The following PAX3 variants were observed in gnomAD, a reference collection of about 807,000 sequenced individuals.
The protein encoded by PAX3 is paired box protein Pax-3.
Under a neutral mutation model 51.6 loss-of-function variants are expected in PAX3, and 14 were observed. That is an observed-to-expected ratio of 0.27 (90% CI 0.18 to 0.42). PAX3 has a LOEUF of 0.42. PAX3 is among the 10% of genes least tolerant of loss of function. The pLI is 1.00. For missense variants in PAX3, 540 were observed against 642.8 expected (o/e 0.84, Z 1.73); for synonymous variants, 280 against 253.4 (o/e 1.11, Z -1.00).
chr2:222,212,944 T>C (rs2106055585), intron 7 of PAX3, among the ~76,000 whole-genome samples: 1 of 152,312 alleles, frequency 6.6e-6, no homozygotes, highest in Admixed American at 6.5e-5. Context: ...AATGCTCATT[T>C]TTTTTCGACT....
intron 7 of PAX3, among the ~76,000 whole-genome samples, chr2:222,214,219 G>A (rs141174285): frequency 1.3e-5 from 2 of 152,232 alleles, no homozygotes; most frequent in African/African-American, 4.8e-5. Context: ...ACACTTAAAT[G>A]CTTCTTCCTA....
At chr2:222,270,457 G>A (rs537624647) in intron 4 of PAX3, among the ~76,000 whole-genome samples, 45 of 152,246 alleles carry the variant, frequency 3.0e-4, no homozygotes, top group African/African-American at 9.9e-4. Context: ...TTTTGCATTC[G>A]TGCAATAAAA....
intron 4 of PAX3, among the ~76,000 whole-genome samples, chr2:222,266,603 C>G (rs1411372892): frequency 6.6e-6 from 1 of 152,210 alleles, no homozygotes; most frequent in Non-Finnish European, 1.5e-5. Flanking sequence ...AGCTCTGCCC[C>G]TTAACAGCTG....
chr2:222,281,057 A>T (rs1694628881), intron 4 of PAX3, among the ~76,000 whole-genome samples: 1 of 152,224 alleles, frequency 6.6e-6, no homozygotes, highest in Non-Finnish European at 1.5e-5. Flanking sequence ...TCATGTACAC[A>T]CGTGCCCCAG....
At chr2:222,261,881 G>A (rs1285436134) in intron 4 of PAX3, among the ~76,000 whole-genome samples, 1 of 152,204 alleles carries the variant, frequency 6.6e-6, no homozygotes, top group Non-Finnish European at 1.5e-5. Flanking sequence ...ATAATTTTGA[G>A]TGTTGCTTGA....
chr2:222,257,798 G>A (rs1209775407), intron 4 of PAX3, among the ~76,000 whole-genome samples: 2 of 152,256 alleles, frequency 1.3e-5, no homozygotes, highest in Non-Finnish European at 2.9e-5. Context: ...TGGCTGGGCA[G>A]GAAATGGGGC....
chr2:222,226,645 T>G (rs907001883), intron 5 of PAX3, among the ~76,000 whole-genome samples: 4 of 151,516 alleles, frequency 2.6e-5, no homozygotes, highest in African/African-American at 9.7e-5. Flanking sequence ...TTTTAGGAAT[T>G]CCAAATTACT....
At chr2:222,230,567 TA>T (rs962855997) in intron 5 of PAX3, among the ~76,000 whole-genome samples, 8 of 151,842 alleles carry the variant, frequency 5.3e-5, no homozygotes, top group African/African-American at 1.9e-4. Context: ...TATAATTTTT[TA>T]AAAAAAGGTT....
In PAX3 at chr2:222,298,512, C is replaced by A. The variant is rs747292645; in HGVS notation, c.85+19G>T. The A allele has an allele frequency of 1.9e-6, 3 of 1,583,254 alleles. No homozygotes were observed. The highest frequency in any genetic ancestry group is 1.1e-5 in the South Asian group (1 of 87,208). On this transcript the variant is annotated intron_variant, in intron 1 of 8. Coordinates refer to ENST00000392070, the MANE Select transcript of PAX3 (RefSeq NM_181458.4). ...CCCAGGCCCTGGGATCCAGGCGGCG[C>A]GCTGAGGCCCTCCCTTACCTTCCAG...
intron 4 of PAX3, among the ~76,000 whole-genome samples, chr2:222,268,458 T>A (rs1358656653): frequency 6.6e-6 from 1 of 151,698 alleles, no homozygotes; most frequent in Non-Finnish European, 1.5e-5. Context: ...CAGCCCTACC[T>A]ACTATCCGCC....
chr2:222,298,259 C>A (rs1695411529), intron 1 of PAX3: 3 of 506,640 alleles, frequency 5.9e-6, no homozygotes, highest in South Asian at 2.8e-5. Flanking sequence ...CCTTCTCCAC[C>A]GCGGCATTTC....
chr2:222,215,667 T>C (rs1373467423), intron 7 of PAX3, among the ~76,000 whole-genome samples: 3 of 152,122 alleles, frequency 2.0e-5, no homozygotes, highest in Non-Finnish European at 4.4e-5. Flanking sequence ...GAGCATATGG[T>C]AGTACTTCCT....
intron 4 of PAX3, among the ~76,000 whole-genome samples, chr2:222,270,070 A>G (rs572002619): frequency 6.6e-6 from 1 of 152,360 alleles, no homozygotes; most frequent in South Asian, 2.1e-4. Context: ...ACTGTAGCTG[A>G]GGCTATAGAA....
chr2:222,287,774 G>T, intron 4 of PAX3, among the ~76,000 whole-genome samples: 1 of 152,024 alleles, frequency 6.6e-6, no homozygotes, highest in East Asian at 1.9e-4. Flanking sequence ...ATTAATAGGA[G>T]GATTATAATA....
chr2:222,298,228 C>A (rs932580347), intron 1 of PAX3: 2 of 439,778 alleles, frequency 4.5e-6, no homozygotes, highest in Admixed American at 3.8e-5. Context: ...TTGCTTCTGC[C>A]GCTCAGAAGC....
intron 7 of PAX3, among the ~76,000 whole-genome samples, chr2:222,215,271 G>A (rs1691907382): frequency 6.6e-6 from 1 of 152,140 alleles, no homozygotes; most frequent in African/African-American, 2.4e-5. Flanking sequence ...GAGGAAAAGT[G>A]CTTGGCAAAA....
Position 222,201,205 on chromosome 2 carries a change from CT to C in PAX3, c.*202del. On this transcript the variant is annotated 3_prime_UTR_variant, in exon 9 of 9. Coordinates refer to ENST00000392070, the MANE Select transcript of PAX3 (RefSeq NM_181458.4). ...CTCCAGGTCTTCCTCTTCTCCACTG[CT>C]TTTGTCGAACGTGTTCAAAAGGATT... 6.2e-7 allele frequency: 1 copy of C among 1,614,040 alleles called. No homozygotes were observed. Among genetic ancestry groups the C allele is most frequent in the Non-Finnish European group, 8.5e-7 (1 of 1,180,008 alleles).
At chr2:222,298,137 T>C (rs1232953722) in intron 1 of PAX3, 1 of 235,468 alleles carries the variant, frequency 4.2e-6, no homozygotes, top group Non-Finnish European at 8.4e-6. Context: ...TGAACTAACA[T>C]ATGTTTCACA....
intron 4 of PAX3, among the ~76,000 whole-genome samples, chr2:222,240,692 G>A (rs1692980407): frequency 6.6e-6 from 1 of 152,166 alleles, no homozygotes; most frequent in African/African-American, 2.4e-5. Flanking sequence ...TCCTTTCGAA[G>A]GCTTAAAGTG....
Sources: allele counts gnomAD v4.1 joint callset (sites outside exome capture counted in the v4.1 genomes callset), GRCh38; gene constraint gnomAD v4.1.1; transcripts MANE v1.5; gene names NCBI Gene and HGNC (gene_info 2026-07-23, HGNC 2026-07-21).